SGCD: variants seen among roughly 807,000 people sequenced by gnomAD.
SGCD encodes sarcoglycan delta.
In SGCD, 18 loss-of-function variants were observed where a neutral mutation model predicts 36.6. That is an observed-to-expected ratio of 0.49 (90% CI 0.34 to 0.73). The LOEUF (loss-of-function observed/expected upper bound fraction) is 0.73. Among genes scored for constraint, SGCD ranks in the 30% least tolerant of loss-of-function variants. SGCD has a pLI of 0.01. For synonymous variants in SGCD, 133 were observed against 130.6 expected (o/e 1.02, Z -0.12); for missense variants, 387 against 346.7 (o/e 1.12, Z -0.92).
At chr5:156,656,607 TAAC>T (rs1450741713) in intron 7 of SGCD, among the ~76,000 whole-genome samples, 1 of 152,182 alleles carries the variant, frequency 6.6e-6, no homozygotes, top group Non-Finnish European at 1.5e-5. Context: ...ATTTTCCTCA[TAAC>T]AATTGTATTC....
chr5:156,379,289 T>C (rs1370841667), intron 3 of SGCD, among the ~76,000 whole-genome samples: 1 of 151,822 alleles, frequency 6.6e-6, no homozygotes, highest in Non-Finnish European at 1.5e-5. Context: ...AGGATTAGAG[T>C]TGAAAGTTTA....
chr5:156,428,009 G>C (rs1316222709), intron 3 of SGCD, among the ~76,000 whole-genome samples: 2 of 152,002 alleles, frequency 1.3e-5, no homozygotes, highest in Non-Finnish European at 2.9e-5. Flanking sequence ...TTTTGGTTAT[G>C]TCCTTTCCTG....
chr5:155,804,671 C>T, the SGCD span, among the ~76,000 whole-genome samples: 1 of 152,154 alleles, frequency 6.6e-6, no homozygotes, highest in African/African-American at 2.4e-5. Flanking sequence ...TATTCAGTAC[C>T]CAATCCGACC....
intron 3 of SGCD, among the ~76,000 whole-genome samples, chr5:156,255,394 A>G (rs1364633671): frequency 6.6e-6 from 1 of 152,116 alleles, no homozygotes; most frequent in Non-Finnish European, 1.5e-5. Flanking sequence ...TTTCTTTCTT[A>G]TAATGTTTAT....
intron 4 of SGCD, among the ~76,000 whole-genome samples, chr5:156,568,298 C>A (rs948966323): frequency 6.6e-6 from 1 of 152,098 alleles, no homozygotes; most frequent in Admixed American, 6.5e-5. Context: ...GCAGGAGAAT[C>A]GCTTGAACCC....
chr5:156,165,545 T>C (rs1477999245), intron 3 of SGCD, among the ~76,000 whole-genome samples: 1 of 152,232 alleles, frequency 6.6e-6, no homozygotes, highest in African/African-American at 2.4e-5. Flanking sequence ...GGATCCCAGA[T>C]GTTTCAATTT....
At chr5:156,001,995 T>C (rs1165613613) in intron 1 of SGCD, among the ~76,000 whole-genome samples, 3 of 152,202 alleles carry the variant, frequency 2.0e-5, no homozygotes, top group African/African-American at 4.8e-5. Context: ...GAAAGAAGAT[T>C]GTCTTGCTCT....
intron 4 of SGCD, among the ~76,000 whole-genome samples, chr5:156,532,266 T>C (rs1236004555): frequency 6.6e-6 from 1 of 152,208 alleles, no homozygotes; most frequent in African/African-American, 2.4e-5. Flanking sequence ...TATCTGTAAC[T>C]TTAATACATA....
chr5:156,436,126 A>G (rs925944631), intron 3 of SGCD, among the ~76,000 whole-genome samples: 7 of 152,116 alleles, frequency 4.6e-5, no homozygotes, highest in African/African-American at 1.4e-4. Context: ...ACAGTTTCTC[A>G]ATGTGGACCA....
the SGCD span, among the ~76,000 whole-genome samples, chr5:155,789,876 T>C: frequency 6.6e-6 from 1 of 152,110 alleles, no homozygotes; most frequent in African/African-American, 2.4e-5. Context: ...GCCTGGAAGC[T>C]AGGTCCCTTA....
At chr5:155,825,519 C>T in the SGCD span, among the ~76,000 whole-genome samples, 1 of 152,116 alleles carries the variant, frequency 6.6e-6, no homozygotes, top group African/African-American at 2.4e-5. Context: ...GCTCCTTGTA[C>T]TTCGTCTCCA....
intron 1 of SGCD, among the ~76,000 whole-genome samples, chr5:156,051,288 A>G (rs574594509): frequency 1.4e-5 from 2 of 146,442 alleles, no homozygotes; most frequent in East Asian, 3.9e-4. Context: ...TCTCAAATTT[A>G]GCTTACTAAA....
chr5:155,730,598 T>C, the SGCD span, among the ~76,000 whole-genome samples: 1 of 152,084 alleles, frequency 6.6e-6, no homozygotes, highest in Non-Finnish European at 1.5e-5. Context: ...TGATGGAGAT[T>C]TGGGGAAGCT....
In SGCD at chr5:156,436,200, C is replaced by T. The variant is rs187632719; in HGVS notation, c.193-72401C>T. Among the ~76,000 whole-genome samples the T allele has an allele frequency of 1.3e-3, 191 of 152,244 alleles. 2 individuals carry two copies. Among genetic ancestry groups the T allele is most frequent in the African/African-American group, 4.4e-3 (181 of 41,540 alleles). On this transcript the variant is annotated intron_variant, in intron 3 of 8. Coordinates refer to ENST00000337851, the MANE Select transcript of SGCD (RefSeq NM_000337.6). ...AAAATTTGAATTGATTTTATGTGAT[C>T]CACATTTAATCGGAGGGGAAGAGGT...
chr5:156,077,006 T>C (rs1024594177), intron 1 of SGCD, among the ~76,000 whole-genome samples: 5 of 152,234 alleles, frequency 3.3e-5, no homozygotes, highest in African/African-American at 1.2e-4. Context: ...ATGGAAAATA[T>C]AATTATTCAT....
At position 156,539,864 on chromosome 5, in the gene SGCD, AAACCATGGTCTTTGG is replaced by A. The variant is rs560692724; in HGVS notation, c.294+31168_294+31182del. Among the ~76,000 whole-genome samples the A allele has an allele frequency of 1.7e-3, 255 of 152,280 alleles. 3 individuals are homozygous for A. The highest frequency in any genetic ancestry group is 3.2e-3 in the Non-Finnish European group (215 of 68,008). On this transcript the variant is annotated intron_variant, in intron 4 of 8. Coordinates refer to ENST00000337851, the MANE Select transcript of SGCD (RefSeq NM_000337.6). The stretch of plus-strand genomic sequence containing the variant: ...TGAATGGCAACAGGATATGTTGGAA[AAACCATGGTCTTTGG>A]AACCAGATAGGCATGGAACAAATTG...
At chr5:155,918,926 A>G (rs1756813121) in intron 1 of SGCD, among the ~76,000 whole-genome samples, 1 of 152,264 alleles carries the variant, frequency 6.6e-6, no homozygotes, top group South Asian at 2.1e-4. Flanking sequence ...CTGGAAGCAC[A>G]TACTTTAAGA....
intron 1 of SGCD, among the ~76,000 whole-genome samples, chr5:155,984,389 T>A (rs1758289174): frequency 6.6e-6 from 1 of 152,202 alleles, no homozygotes; most frequent in Non-Finnish European, 1.5e-5. Context: ...TGTACTTTGT[T>A]TCGTAAGCCT....
chr5:156,403,123 TCTC>T (rs1356596644), intron 3 of SGCD, among the ~76,000 whole-genome samples: 2 of 152,058 alleles, frequency 1.3e-5, no homozygotes, highest in Non-Finnish European at 2.9e-5. Context: ...CAAATCCACA[TCTC>T]CTCCAACCCA....
Sources: allele counts gnomAD v4.1 joint callset (sites outside exome capture counted in the v4.1 genomes callset), GRCh38; gene constraint gnomAD v4.1.1; transcripts MANE v1.5; gene names NCBI Gene and HGNC (gene_info 2026-07-23, HGNC 2026-07-21).